VWA8: variants seen among roughly 807,000 people sequenced by gnomAD.
The protein encoded by VWA8 is von Willebrand factor A domain containing 8.
VWA8 carries 221 observed loss-of-function variants against 241.5 expected under a neutral mutation model. The ratio of observed to expected loss-of-function variants is 0.91; its 90% CI spans 0.82 to 1.02. VWA8 has a LOEUF of 1.02. Among genes scored for constraint, VWA8 ranks in the 50% least tolerant of loss-of-function variants. The probability of loss-of-function intolerance (pLI) is 0.00; values close to 1 mark genes in which losing one functional copy is unlikely to be tolerated. For missense variants in VWA8, 2,322 were observed against 2,328.7 expected, an observed-to-expected ratio of 1.00 and a Z score of 0.06; for synonymous variants, 852 against 827.1, an observed-to-expected ratio of 1.03 and a Z score of -0.52.
At chr13:41,679,232 A>G (rs2045081329) in intron 35 of VWA8, among the ~76,000 whole-genome samples, 1 of 152,212 alleles carries the variant, frequency 6.6e-6, no homozygotes, top group Non-Finnish European at 1.5e-5. Flanking sequence ...CATAGCTCCC[A>G]TGAATAGTGG....
intron 2 of VWA8, chr13:41,926,421 G>T: frequency 1.9e-6 from 1 of 531,966 alleles, no homozygotes; most frequent in South Asian, 1.5e-5. Context: ...CATCCCGGGG[G>T]AGCTGTGGCC....
chr13:41,811,510 A>C (rs189062937), intron 16 of VWA8, among the ~76,000 whole-genome samples, 170 bp from the exon 17 acceptor site: 2 of 152,324 alleles, frequency 1.3e-5, no homozygotes, highest in East Asian at 3.9e-4. Context: ...TTTACACTTA[A>C]AACATCCTTG....
intron 22 of VWA8, among the ~76,000 whole-genome samples, chr13:41,730,736 A>T (rs1031371337): frequency 3.9e-4 from 59 of 152,194 alleles, no homozygotes; most frequent in Middle Eastern, 6.8e-3. Context: ...CAAGATTTTT[A>T]AAAAAATAGT....
At chr13:41,637,419 G>T (rs1405146555) in intron 37 of VWA8, among the ~76,000 whole-genome samples, 14 of 110,324 alleles carry the variant, frequency 1.3e-4, no homozygotes, top group Non-Finnish European at 1.8e-5. Context: ...GTTGTGGGGT[G>T]GGGGGAGGGG....
At chr13:41,833,780 A>G (rs1442806993) in intron 12 of VWA8, among the ~76,000 whole-genome samples, 2 of 151,904 alleles carry the variant, frequency 1.3e-5, no homozygotes, top group African/African-American at 4.8e-5. Context: ...TCCCTACTTT[A>G]TATTTAGCAT....
chr13:41,692,220 T>C (rs2045183041), intron 30 of VWA8, among the ~76,000 whole-genome samples: 1 of 152,076 alleles, frequency 6.6e-6, no homozygotes, highest in South Asian at 2.1e-4. Flanking sequence ...TGATTAACCA[T>C]GGAATTTACA....
intron 17 of VWA8, among the ~76,000 whole-genome samples, chr13:41,799,885 A>G (rs1265884309): frequency 6.6e-6 from 1 of 152,004 alleles, no homozygotes; most frequent in East Asian, 1.9e-4. Context: ...ATTTTAGAAC[A>G]TTTTTCTTAC....
intron 12 of VWA8, among the ~76,000 whole-genome samples, chr13:41,834,434 A>C (rs1285834917): frequency 1.3e-5 from 2 of 152,252 alleles, no homozygotes; most frequent in African/African-American, 4.8e-5. Context: ...AACTTTCAGC[A>C]GATAGAAAAC....
chr13:41,747,672 G>C (rs779125956), intron 21 of VWA8, among the ~76,000 whole-genome samples: 3 of 74,422 alleles, frequency 4.0e-5, no homozygotes, highest in East Asian at 1.0e-3. Context: ...TCCCTGTCTT[G>C]TGCCATTTTC....
At chr13:41,914,453 A>G (rs1876159541) in intron 2 of VWA8, among the ~76,000 whole-genome samples, 1 of 152,162 alleles carries the variant, frequency 6.6e-6, no homozygotes, top group African/African-American at 2.4e-5. Flanking sequence ...TTTCTTTTCT[A>G]CTTGAAGCTT....
chr13:41,683,777 ATACAAGATATATT>A (rs2045116386), intron 35 of VWA8, among the ~76,000 whole-genome samples: 1 of 152,134 alleles, frequency 6.6e-6, no homozygotes, highest in African/African-American at 2.4e-5. Flanking sequence ...TAGTGGGTGG[ATACAAGATATATT>A]TGCAAGGCTG....
intron 12 of VWA8, among the ~76,000 whole-genome samples, chr13:41,845,418 A>G (rs1053042421): frequency 6.6e-6 from 1 of 152,174 alleles, no homozygotes; most frequent in Non-Finnish European, 1.5e-5. Flanking sequence ...AAGATTTCTC[A>G]AAGAACTTAG....
chr13:41,864,490 C>T, intron 12 of VWA8: 3 of 366,068 alleles, frequency 8.2e-6, no homozygotes, highest in South Asian at 2.3e-5. Context: ...CAGAATATGA[C>T]TTTGCCCTAA....
chr13:41,691,041 A>G (rs975781490), intron 32 of VWA8, among the ~76,000 whole-genome samples: 1 of 152,142 alleles, frequency 6.6e-6, no homozygotes, highest in African/African-American at 2.4e-5. Context: ...GAATACAGTG[A>G]ATTCTCAATG....
chr13:41,570,751 CTTTTT>C (rs752189739), intron 43 of VWA8, 45 bp from the exon 44 acceptor site: 1 of 1,546,916 alleles, frequency 6.5e-7, no homozygotes, highest in Admixed American at 1.7e-5. Flanking sequence ...TGAGAAACTT[CTTTTT>C]TAACAAATAC....
intron 2 of VWA8, among the ~76,000 whole-genome samples, chr13:41,940,868 A>C (rs921812062): frequency 6.6e-6 from 1 of 152,202 alleles, no homozygotes; most frequent in African/African-American, 2.4e-5. Flanking sequence ...TAGATGAGGA[A>C]TACTTATATT....
intron 34 of VWA8, among the ~76,000 whole-genome samples, chr13:41,686,710 T>C (rs1032479046): frequency 2.0e-5 from 3 of 152,148 alleles, no homozygotes; most frequent in African/African-American, 7.2e-5. Context: ...TTACCCTTCA[T>C]ATATTTACTT....
intron 9 of VWA8, among the ~76,000 whole-genome samples, chr13:41,878,216 A>G (rs1873994371): frequency 1.3e-5 from 2 of 152,056 alleles, no homozygotes; most frequent in Admixed American, 1.3e-4. Context: ...TTTCTTAAGT[A>G]AACATTTTTT....
At chr13:41,590,495 CTTCT>C (rs1178499937) in intron 41 of VWA8, 141 bp downstream of exon 41, 96 of 888,602 alleles carry the variant, frequency 1.1e-4, no homozygotes, top group African/African-American at 4.1e-4. Context: ...TCTTCTTCTT[CTTCT>C]TTTTTTTTTT....
Sources: gnomAD v4.1 joint callset for allele counts (sites outside exome capture counted in the v4.1 genomes callset) on GRCh38, gnomAD v4.1.1 for gene constraint, MANE v1.5 for transcripts, NCBI Gene and HGNC (gene_info 2026-07-23, HGNC 2026-07-21) for gene names.